GTF2A1: variants seen among roughly 807,000 people sequenced by gnomAD.
GTF2A1 encodes general transcription factor IIA subunit 1.
A neutral mutation model predicts 54.1 loss-of-function variants in GTF2A1; 12 were observed. The ratio of observed to expected loss-of-function variants is 0.22; its 90% CI spans 0.14 to 0.36. GTF2A1 has a LOEUF of 0.36. Among genes scored for constraint, GTF2A1 ranks in the 10% least tolerant of loss-of-function variants. GTF2A1 has a pLI of 1.00. For synonymous variants in GTF2A1, 145 were observed against 152.0 expected, an observed-to-expected ratio of 0.95 and a Z score of 0.34; for missense variants, 335 against 442.2, an observed-to-expected ratio of 0.76 and a Z score of 2.17.
In GTF2A1 at chr14:81,176,429, G is replaced by A. The variant is rs1892530359; in HGVS notation, c.*3794C>T. 2 of 152,148 alleles carry A rather than the reference G, an allele frequency of 1.3e-5. No homozygotes were observed. Among genetic ancestry groups the A allele is most frequent in the African/African-American group, 2.4e-5 (1 of 41,456 alleles). 9.4% of individuals were successfully genotyped at this position (152,148 alleles called of 1,614,324 possible). ...CCGCCCCCCAAGTCATAGTCCTGAT[G>A]TAGACTGGACTGATTAAGGAACCTT... On this transcript the variant is annotated 3_prime_UTR_variant, in exon 9 of 9. Coordinates refer to ENST00000553612, the MANE Select transcript of GTF2A1 (RefSeq NM_015859.4).
At chr14:81,205,998 G>T (rs1178935416) in intron 2 of GTF2A1, among the ~76,000 whole-genome samples, 1 of 151,990 alleles carries the variant, frequency 6.6e-6, no homozygotes, top group Non-Finnish European at 1.5e-5. Context: ...ACAAAACAAA[G>T]CCTGTTTCTT....
chr14:81,218,522 A>C (rs142737427), intron 1 of GTF2A1, among the ~76,000 whole-genome samples: 1,776 of 152,314 alleles, frequency 0.012, 7 homozygotes, highest in Middle Eastern at 0.027. Flanking sequence ...ATTTGAAATA[A>C]GCAATTTCTA....
chr14:81,202,016 G>A (rs1347257525), intron 3 of GTF2A1, among the ~76,000 whole-genome samples: 1 of 151,948 alleles, frequency 6.6e-6, no homozygotes, highest in Admixed American at 6.6e-5. Context: ...AAAAAAATTA[G>A]TTGGGTGTCA....
intron 2 of GTF2A1, chr14:81,209,857 A>G: frequency 8.5e-7 from 1 of 1,177,142 alleles, no homozygotes; most frequent in Non-Finnish European, 1.1e-6. Context: ...AGACATTTCT[A>G]TTTTGTACTT....
At chr14:81,191,509 T>C (rs1309389747) in intron 7 of GTF2A1, among the ~76,000 whole-genome samples, 1 of 152,134 alleles carries the variant, frequency 6.6e-6, no homozygotes, top group African/African-American at 2.4e-5. Context: ...TGGATAAACC[T>C]CAGGAATATC....
At chr14:81,196,742 G>A (rs368549386) in intron 5 of GTF2A1, among the ~76,000 whole-genome samples, 2 of 152,218 alleles carry the variant, frequency 1.3e-5, no homozygotes, top group East Asian at 3.9e-4. Context: ...AATTCACACA[G>A]AATCAAATTC....
At chr14:81,214,420 G>T (rs1401366634) in intron 2 of GTF2A1, among the ~76,000 whole-genome samples, 2 of 151,888 alleles carry the variant, frequency 1.3e-5, no homozygotes, top group African/African-American at 2.4e-5. Context: ...CCGAGGTGGG[G>T]GGATCACAAG....
chr14:81,185,232 G>C (rs557977603), intron 8 of GTF2A1, among the ~76,000 whole-genome samples: 1 of 152,200 alleles, frequency 6.6e-6, no homozygotes, highest in African/African-American at 2.4e-5. Flanking sequence ...TTACCACAAA[G>C]GACAACCTCA....
intron 2 of GTF2A1, among the ~76,000 whole-genome samples, chr14:81,213,417 G>C (rs1384137741): frequency 6.6e-6 from 1 of 152,120 alleles, no homozygotes; most frequent in African/African-American, 2.4e-5. Flanking sequence ...TGTGAAAAGC[G>C]AGAGTAGATA....
intron 7 of GTF2A1, among the ~76,000 whole-genome samples, chr14:81,186,339 T>C (rs1274641635): frequency 6.6e-6 from 1 of 152,208 alleles, no homozygotes; most frequent in Admixed American, 6.5e-5. Flanking sequence ...TGCAATAGGC[T>C]AGCAGTCTGC....
At position 81,185,636 on chromosome 14, in the gene GTF2A1, G is replaced by A; in HGVS notation, c.934-16C>T. 7.2e-7 allele frequency: 1 copy of A among 1,395,636 alleles called. No homozygotes were observed. Among genetic ancestry groups the A allele is most frequent in the Non-Finnish European group, 1.0e-6 (1 of 984,216 alleles). 86.5% of individuals were successfully genotyped at this position (1,395,636 alleles called of 1,614,324 possible). A position where few individuals can be genotyped will look rare whatever the true frequency, so the allele number is the denominator to read the frequency against. On this transcript the variant is annotated splice_polypyrimidine_tract_variant and intron_variant, in intron 7 of 8. Coordinates refer to ENST00000553612, the MANE Select transcript of GTF2A1 (RefSeq NM_015859.4). ...TGAGGGGCTCCTACAAATAAAAGGA[G>A]AGTTCTTATTACTATAAGAAGGCCT...
intron 2 of GTF2A1, among the ~76,000 whole-genome samples, chr14:81,210,160 G>A (rs894982566): frequency 2.0e-5 from 3 of 152,104 alleles, no homozygotes; most frequent in Admixed American, 6.5e-5. Flanking sequence ...TGGGAGAGGC[G>A]GGTAATCTAT....
At chr14:81,180,833 A>G (rs917760662) in intron 8 of GTF2A1, among the ~76,000 whole-genome samples, 3 of 152,204 alleles carry the variant, frequency 2.0e-5, no homozygotes, top group Non-Finnish European at 4.4e-5. Context: ...CAAAAAGACT[A>G]TCCTCCACAA....
At chr14:81,198,381 T>A (rs139176211) in intron 4 of GTF2A1, among the ~76,000 whole-genome samples, 53 of 152,188 alleles carry the variant, frequency 3.5e-4, no homozygotes, top group African/African-American at 1.2e-3. Context: ...AAGGTGGAGG[T>A]TGCAGTGAGC....
intron 7 of GTF2A1, among the ~76,000 whole-genome samples, chr14:81,187,795 C>G (rs1345554895): frequency 6.6e-6 from 1 of 152,176 alleles, no homozygotes; most frequent in African/African-American, 2.4e-5. Context: ...CAGTCACATA[C>G]AAGTTTTTGT....
chr14:81,209,107 T>G (rs1383964283), intron 2 of GTF2A1, among the ~76,000 whole-genome samples: 1 of 152,170 alleles, frequency 6.6e-6, no homozygotes, highest in Non-Finnish European at 1.5e-5. Flanking sequence ...AGAGACAGAA[T>G]GATATTGTTT....
intron 7 of GTF2A1, among the ~76,000 whole-genome samples, chr14:81,190,119 T>G (rs1027548106): frequency 6.6e-6 from 1 of 151,970 alleles, no homozygotes; most frequent in Non-Finnish European, 1.5e-5. Flanking sequence ...AAAATTTAGA[T>G]AAATATATAG....
intron 8 of GTF2A1, among the ~76,000 whole-genome samples, chr14:81,182,223 C>T (rs1227538829): frequency 6.6e-6 from 1 of 152,130 alleles, no homozygotes; most frequent in African/African-American, 2.4e-5. Flanking sequence ...AAAGGTAAAA[C>T]AGCAGGTAGG....
At chr14:81,207,006 CAAG>C (rs1324200968) in intron 2 of GTF2A1, among the ~76,000 whole-genome samples, 2 of 152,078 alleles carry the variant, frequency 1.3e-5, no homozygotes, top group African/African-American at 4.8e-5. Flanking sequence ...GGGTCCTAGT[CAAG>C]AAGTTTGAGA....
Sources: allele counts gnomAD v4.1 joint callset (sites outside exome capture counted in the v4.1 genomes callset), GRCh38; gene constraint gnomAD v4.1.1; transcripts MANE v1.5; gene names NCBI Gene and HGNC (gene_info 2026-07-23, HGNC 2026-07-21).